SCFD2: variants seen among roughly 807,000 people sequenced by gnomAD.
SCFD2 encodes the protein sec1 family domain-containing protein 2.
In SCFD2, 54 loss-of-function variants were observed where a neutral mutation model predicts 58.9. The ratio of observed to expected loss-of-function variants is 0.92; its 90% CI spans 0.74 to 1.15. SCFD2 has a LOEUF of 1.15. Ranked by LOEUF, SCFD2 falls within the 50% of genes most tolerant of loss-of-function variation. The pLI is 0.00. For missense variants in SCFD2, 805 were observed against 836.6 expected, an observed-to-expected ratio of 0.96 and a Z score of 0.47; for synonymous variants, 321 against 335.9, an observed-to-expected ratio of 0.96 and a Z score of 0.49.
At chr4:53,058,453 A>G (rs1164073393) in intron 5 of SCFD2, among the ~76,000 whole-genome samples, 2 of 152,156 alleles carry the variant, frequency 1.3e-5, no homozygotes, top group African/African-American at 4.8e-5. Context: ...TTTTAAGTAT[A>G]TGCAGAATTT....
intron 8 of SCFD2, among the ~76,000 whole-genome samples, chr4:52,885,503 A>G (rs1330656390): frequency 6.6e-6 from 1 of 152,080 alleles, no homozygotes; most frequent in Non-Finnish European, 1.5e-5. Flanking sequence ...GTCATGATAG[A>G]CTTTATCAAA....
intron 2 of SCFD2, among the ~76,000 whole-genome samples, chr4:53,342,029 C>T (rs568751712): frequency 6.6e-6 from 1 of 152,282 alleles, no homozygotes; most frequent in South Asian, 2.1e-4. Context: ...ACCATCGACA[C>T]TATGAAGAAA....
chr4:53,042,442 T>A (rs548764806), intron 5 of SCFD2, among the ~76,000 whole-genome samples: 2 of 152,276 alleles, frequency 1.3e-5, no homozygotes. Flanking sequence ...CCCTGTGGTA[T>A]AATTTAGCAT....
At chr4:53,119,304 C>A (rs1255209263) in intron 5 of SCFD2, among the ~76,000 whole-genome samples, 7 of 141,124 alleles carry the variant, frequency 5.0e-5, no homozygotes, top group Non-Finnish European at 7.7e-5. Flanking sequence ...GGCAACAGAG[C>A]GAGACTCCAT....
intron 5 of SCFD2, among the ~76,000 whole-genome samples, chr4:53,118,225 C>T (rs1725378483): frequency 1.3e-5 from 2 of 152,178 alleles, no homozygotes; most frequent in African/African-American, 2.4e-5. Flanking sequence ...TTCTTATTTG[C>T]CATTGTTTTC....
Position 53,365,332 on chromosome 4 carries a change from C to T in SCFD2, c.610G>A (p.Asp204Asn). ...KRKLGSLGDVDSTTLTPELLL... is the reference protein window; with the variant it reads ...KRKLGSLGDVNSTTLTPELLL... ...AGCTCTGGGGTTAGCGTAGTGGAGT[C>T]CACATCACCCAGGCTTCCCAGCTTC... The change falls in exon 1 of 9, where the codon GAC becomes AAC. Residue 204 changes from aspartate (D) to asparagine (N), a missense_variant. Coordinates refer to ENST00000401642, the MANE Select transcript of SCFD2 (RefSeq NM_152540.4). This position sits in a 1 kb window ranked among gnomAD's most constrained non-coding sequence, Gnocchi z 4.3. 6.2e-7 allele frequency: 1 copy of T among 1,614,184 alleles called. No individual in the cohort carries two copies. Among genetic ancestry groups the T allele is most frequent in the Non-Finnish European group, 8.5e-7 (1 of 1,180,036 alleles).
chr4:53,081,317 T>C (rs1156536344), intron 5 of SCFD2, among the ~76,000 whole-genome samples: 3 of 152,166 alleles, frequency 2.0e-5, no homozygotes, highest in African/African-American at 7.2e-5. Flanking sequence ...CATGGGAATA[T>C]TGCGTGATGC....
chr4:53,045,140 A>C (rs1426492404), intron 5 of SCFD2, among the ~76,000 whole-genome samples: 1 of 152,208 alleles, frequency 6.6e-6, no homozygotes, highest in Non-Finnish European at 1.5e-5. Flanking sequence ...TGAGTTTCAC[A>C]AATATTCAGG....
chr4:53,105,086 C>T (rs1480034399), intron 5 of SCFD2, among the ~76,000 whole-genome samples: 4 of 151,912 alleles, frequency 2.6e-5, no homozygotes, highest in Admixed American at 6.6e-5. Flanking sequence ...TGCAAGCGGT[C>T]GGGGAACTCC....
intron 5 of SCFD2, among the ~76,000 whole-genome samples, chr4:52,953,549 T>A (rs1577856633): frequency 1.3e-5 from 2 of 151,902 alleles, no homozygotes; most frequent in Admixed American, 1.3e-4. Flanking sequence ...TCAAGGGGAG[T>A]CAAAGCATTT....
chr4:53,089,773 G>A (rs1057203841), intron 5 of SCFD2, among the ~76,000 whole-genome samples: 1 of 152,144 alleles, frequency 6.6e-6, no homozygotes, highest in African/African-American at 2.4e-5. Context: ...TGTCCCGTTT[G>A]TAGAATTTCT....
At chr4:53,244,264 C>T (rs1462111425) in intron 4 of SCFD2, among the ~76,000 whole-genome samples, 2 of 152,118 alleles carry the variant, frequency 1.3e-5, no homozygotes, top group African/African-American at 4.8e-5. Flanking sequence ...GAACTCTCCA[C>T]CCCAAAACAA....
Position 52,920,729 on chromosome 4 carries a change from T to C in SCFD2, c.1703A>G (p.His568Arg), listed in dbSNP as rs1364896537. 6.3e-7 allele frequency: 1 copy of C among 1,599,850 alleles called. No individual in the cohort carries two copies. The highest frequency in any genetic ancestry group is 8.5e-7 in the Non-Finnish European group (1 of 1,172,104). Residue 568 changes from histidine (H) to arginine (R), a missense_variant, in exon 6 of 9, where the codon CAC (histidine) becomes CGC (arginine). Coordinates refer to ENST00000401642, the MANE Select transcript of SCFD2 (RefSeq NM_152540.4). ...CTTTAAAACGTATATACTTGCCTGG[T>C]GGGTATGATTTCCAGGAACATATAC... ...KSVYVPGNHT[H>R]QASYKPLLKQ...
At chr4:52,968,530 T>G (rs988139181) in intron 5 of SCFD2, among the ~76,000 whole-genome samples, 1 of 152,212 alleles carries the variant, frequency 6.6e-6, no homozygotes, top group Non-Finnish European at 1.5e-5. Context: ...TCAGCATTTA[T>G]GTAGCCGTGG....
At chr4:52,937,187 C>A (rs1720160219) in intron 5 of SCFD2, among the ~76,000 whole-genome samples, 1 of 152,188 alleles carries the variant, frequency 6.6e-6, no homozygotes, top group African/African-American at 2.4e-5. Context: ...GAAAAACTTT[C>A]TGGACAGAAG....
intron 5 of SCFD2, among the ~76,000 whole-genome samples, chr4:52,952,759 A>G (rs926832109): frequency 6.6e-6 from 1 of 152,188 alleles, no homozygotes; most frequent in African/African-American, 2.4e-5. Flanking sequence ...ATAAGGGGAC[A>G]CATGTTGGAA....
chr4:53,201,653 T>C (rs1340715528), intron 4 of SCFD2, among the ~76,000 whole-genome samples: 4 of 152,114 alleles, frequency 2.6e-5, no homozygotes, highest in Admixed American at 2.6e-4. Context: ...AGTGTAAAAG[T>C]GTTCCTATTT....
intron 5 of SCFD2, among the ~76,000 whole-genome samples, chr4:52,971,613 C>T: frequency 6.6e-6 from 1 of 152,148 alleles, no homozygotes; most frequent in Non-Finnish European, 1.5e-5. Flanking sequence ...TCCAGGAGAA[C>T]TTCTCCAATC....
chr4:53,341,559 C>A (rs965385863), intron 2 of SCFD2, among the ~76,000 whole-genome samples: 18 of 152,136 alleles, frequency 1.2e-4, no homozygotes, highest in African/African-American at 4.1e-4. Flanking sequence ...GAAAACTTCC[C>A]CAACCTAGCA....
Sources: gnomAD v4.1 joint callset for allele counts (sites outside exome capture counted in the v4.1 genomes callset) on GRCh38, gnomAD v4.1.1 for gene constraint, Gnocchi (gnomAD v3.1) non-coding constraint, MANE v1.5 for transcripts, NCBI Gene and HGNC (gene_info 2026-07-23, HGNC 2026-07-21) for gene names.